The following SYT1 variants were observed in gnomAD, a reference collection of about 807,000 sequenced individuals.
The protein encoded by SYT1 is synaptotagmin 1, also known as synaptotagmin-1.
A neutral mutation model predicts 44.8 loss-of-function variants in SYT1; 8 were observed. The ratio of observed to expected loss-of-function variants is 0.18; its 90% confidence interval spans 0.10 to 0.32. SYT1 has a LOEUF of 0.32. Ranked by LOEUF, SYT1 falls within the 10% of genes least tolerant of loss-of-function variation. The pLI is 1.00. For synonymous variants in SYT1, 154 were observed against 188.8 expected, an observed-to-expected ratio of 0.82 and a Z score of 1.51; for missense variants, 286 against 509.3, an observed-to-expected ratio of 0.56 and a Z score of 4.22.
chr12:78,905,572 A>C (rs1875931047), intron 1 of SYT1, among the ~76,000 whole-genome samples: 1 of 152,136 alleles, frequency 6.6e-6, no homozygotes, highest in Non-Finnish European at 1.5e-5. Context: ...AATGGTTGGG[A>C]GAAAGGTAAA....
intron 4 of SYT1, among the ~76,000 whole-genome samples, chr12:79,240,992 G>T (rs561857397): frequency 1.1e-3 from 171 of 152,058 alleles, no homozygotes; most frequent in Non-Finnish European, 2.2e-3. Flanking sequence ...GGGCAACATA[G>T]CAAGATCCCA....
intron 2 of SYT1, among the ~76,000 whole-genome samples, chr12:79,013,942 A>G (rs1371271230): frequency 6.6e-6 from 1 of 151,992 alleles, no homozygotes; most frequent in African/African-American, 2.4e-5. Context: ...CCTGGCCAAC[A>G]TGGTGAAACC....
intron 3 of SYT1, among the ~76,000 whole-genome samples, chr12:79,158,970 T>C (rs953030857): frequency 5.3e-5 from 8 of 152,154 alleles, no homozygotes; most frequent in Admixed American, 2.6e-4. Flanking sequence ...ACATGTAGCA[T>C]GTCCTGAGGC....
At chr12:79,170,521 C>T (rs1234130480) in intron 3 of SYT1, among the ~76,000 whole-genome samples, 2 of 151,940 alleles carry the variant, frequency 1.3e-5, no homozygotes, top group East Asian at 1.9e-4. Flanking sequence ...TGTTCTTGAC[C>T]TTTGCCCACT....
chr12:79,266,022 T>A (rs998665840), intron 4 of SYT1, among the ~76,000 whole-genome samples: 1 of 152,214 alleles, frequency 6.6e-6, no homozygotes, highest in African/African-American at 2.4e-5. Context: ...AAGTTGATAT[T>A]TTTTAAGTGT....
chr12:78,960,883 A>C (rs1193962528), intron 1 of SYT1, among the ~76,000 whole-genome samples: 2 of 152,160 alleles, frequency 1.3e-5, no homozygotes, highest in African/African-American at 2.4e-5. Context: ...ACATGTTAGC[A>C]CTTTGGAGCA....
chr12:78,951,786 T>A (rs990945048), intron 1 of SYT1, among the ~76,000 whole-genome samples: 14 of 152,118 alleles, frequency 9.2e-5, no homozygotes, highest in African/African-American at 3.1e-4. Context: ...TGAGTGGGTA[T>A]TTTGCCATTG....
intron 1 of SYT1, among the ~76,000 whole-genome samples, chr12:78,897,483 T>C (rs1419036508): frequency 6.6e-6 from 1 of 151,988 alleles, no homozygotes; most frequent in Non-Finnish European, 1.5e-5. Context: ...TTACATAAAT[T>C]CTGCAAGCCT....
chr12:79,436,794 C>T lies in SYT1; in HGVS notation c.929-7279C>T, dbSNP rs572903361. 3.3e-5 allele frequency among the ~76,000 whole-genome samples: 5 copies of T among 152,180 alleles called. No individual in the cohort carries two copies. The South Asian group carries it at 6.2e-4, about 19-fold the overall frequency. On this transcript the variant is annotated intron_variant, in intron 9 of 10. Coordinates refer to ENST00000261205, the MANE Select transcript of SYT1 (RefSeq NM_005639.3). ...TGAATGGCCTTTCCAAAGTTCATCT[C>T]GAAGCCAACAGTTCTGAATTCAAAA...
chr12:79,178,064 G>A (rs1872008454), intron 3 of SYT1, among the ~76,000 whole-genome samples: 1 of 151,766 alleles, frequency 6.6e-6, no homozygotes, highest in African/African-American at 2.4e-5. Context: ...GATCCCATTT[G>A]TCAATTTTGG....
chr12:79,308,591 GAAGAAAGAAAGAAAGAAAGAAAAAGA>G (rs1177624359), intron 8 of SYT1, among the ~76,000 whole-genome samples: 99 of 110,522 alleles, frequency 9.0e-4, no homozygotes, highest in Admixed American at 1.2e-3. Context: ...GGAAAAGAAA[GAAGAAAGAAAGAAAGAAAGAAAAAGA>G]AAGAAAGAAA....
intron 3 of SYT1, among the ~76,000 whole-genome samples, chr12:79,183,981 C>T (rs1286119603): frequency 1.3e-5 from 2 of 152,054 alleles, no homozygotes; most frequent in Non-Finnish European, 2.9e-5. Flanking sequence ...CGCCAGCCAC[C>T]ATTTTTCTAG....
chr12:79,228,874 T>G (rs1272799309), intron 4 of SYT1, among the ~76,000 whole-genome samples: 1 of 152,140 alleles, frequency 6.6e-6, no homozygotes, highest in Non-Finnish European at 1.5e-5. Flanking sequence ...TTGTTGGGGT[T>G]TTTTTTGCCA....
At chr12:79,287,658 G>A (rs909801998) in intron 5 of SYT1, among the ~76,000 whole-genome samples, 43 of 152,060 alleles carry the variant, frequency 2.8e-4, no homozygotes, top group African/African-American at 9.4e-4. Flanking sequence ...AAGTGATAAC[G>A]ATAGCATTTC....
intron 9 of SYT1, among the ~76,000 whole-genome samples, chr12:79,372,395 C>T (rs1363100147): frequency 6.6e-6 from 1 of 152,086 alleles, no homozygotes; most frequent in African/African-American, 2.4e-5. Flanking sequence ...ATAAAGTTAT[C>T]CAGATTATAT....
chr12:78,953,452 C>A (rs761957380), intron 1 of SYT1, among the ~76,000 whole-genome samples: 2 of 152,010 alleles, frequency 1.3e-5, no homozygotes, highest in Non-Finnish European at 2.9e-5. Flanking sequence ...TTAGAAGTAT[C>A]CGAAGTGCAT....
chr12:79,442,211 G>A (rs370088342), intron 9 of SYT1, among the ~76,000 whole-genome samples: 14 of 152,160 alleles, frequency 9.2e-5, no homozygotes, highest in African/African-American at 3.4e-4. Flanking sequence ...AACAACTGGC[G>A]ACATGACTAG....
At position 79,308,575 on chromosome 12, in the gene SYT1, AAAG is replaced by A. The variant is rs1362525479; in HGVS notation, c.810+9028_810+9030del. Reference sequence around the variant, plus strand: ...AAAAAGAAAGAAAGGAAAAGAAAGAAAAGAAGGAAAAGAAAGAAGAAAGAAAGA... The same window carrying A: ...AAAAAGAAAGAAAGGAAAAGAAAGAAAAGGAAAAGAAAGAAGAAAGAAAGA... On this transcript the variant is annotated intron_variant, in intron 8 of 10. Transcript: ENST00000261205. Among the ~76,000 whole-genome samples the A allele has an allele frequency of 5.0e-4, 72 of 143,442 alleles. 1 individual carries two copies. Among genetic ancestry groups the A allele is most frequent in the Middle Eastern group, 3.6e-3 (1 of 274 alleles). The allele number at this position is 143,442 out of a possible 152,430, so 94.1% of individuals were successfully genotyped here.
chr12:79,249,175 G>A lies in SYT1; in HGVS notation c.166+31490G>A, dbSNP rs1014511181. Among the ~76,000 whole-genome samples the A allele has an allele frequency of 6.1e-5, 8 of 130,714 alleles. No individual in the cohort carries two copies. In the Admixed American group the frequency reaches 7.4e-4, roughly 12 times the overall value. The allele number at this position is 130,714 out of a possible 152,430, so 85.8% of individuals were successfully genotyped here. ...TGCGGACTGCAGTGGCGCAATCTCGGCTCACTGCAAGCTCCGCTTCCCGGG... is the reference window on the plus strand; with the variant it reads ...TGCGGACTGCAGTGGCGCAATCTCGACTCACTGCAAGCTCCGCTTCCCGGG... On this transcript the variant is annotated intron_variant, in intron 4 of 10. Coordinates refer to ENST00000261205, the MANE Select transcript of SYT1 (RefSeq NM_005639.3).
Sources: gnomAD v4.1 joint callset for allele counts (sites outside exome capture counted in the v4.1 genomes callset) on GRCh38, gnomAD v4.1.1 for gene constraint, MANE v1.5 for transcripts, NCBI Gene and HGNC (gene_info 2026-07-23, HGNC 2026-07-21) for gene names.